Variants in XPR1 observed in about 807,000 individuals in gnomAD.
XPR1 encodes xenotropic and polytropic retrovirus receptor 1.
In XPR1, 28 loss-of-function variants were observed where a neutral mutation model predicts 87.5. That is an observed-to-expected ratio of 0.32 (90% confidence interval 0.24 to 0.44). The LOEUF (loss-of-function observed/expected upper bound fraction) is 0.44. XPR1 is among the 20% of genes least tolerant of loss of function. The pLI is 1.00. For missense variants in XPR1, 559 were observed against 862.3 expected (o/e 0.65, Z 4.41); for synonymous variants, 300 against 306.1 (o/e 0.98, Z 0.21).
intron 7 of XPR1, among the ~76,000 whole-genome samples, chr1:180,816,914 G>A (rs1376473134): frequency 5.3e-5 from 8 of 152,286 alleles, no homozygotes; most frequent in Non-Finnish European, 8.8e-5. Context: ...TTCGGGAGGT[G>A]TTCCAGAAGA....
intron 13 of XPR1, among the ~76,000 whole-genome samples, chr1:180,875,553 GA>G (rs1652635165): frequency 6.7e-6 from 1 of 149,826 alleles, no homozygotes; most frequent in South Asian, 2.2e-4. Context: ...GAATGTAATT[GA>G]AAATGTGATA....
intron 2 of XPR1, among the ~76,000 whole-genome samples, chr1:180,751,956 C>T (rs1557989471): frequency 1.3e-5 from 2 of 152,010 alleles, no homozygotes; most frequent in Admixed American, 6.6e-5. Flanking sequence ...GGGGAATAAA[C>T]GTGTCGCCCA....
At position 180,758,028 on chromosome 1, in the gene XPR1, A is replaced by C. The variant is rs890934704; in HGVS notation, c.122-29725A>C. Among the ~76,000 whole-genome samples, 3 of 151,940 alleles carry C rather than the reference A, an allele frequency of 2.0e-5. No homozygotes were observed. The South Asian group carries it at 6.2e-4, about 32-fold the overall frequency. ...AGTTTAAATGTGAAATGTCTTACAG[A>C]AGAGTATGGTGTTGGAATGACCACC... On this transcript the variant is annotated intron_variant, in intron 2 of 14. Transcript: ENST00000367590.
At chr1:180,755,227 T>G (rs1647687824) in intron 2 of XPR1, among the ~76,000 whole-genome samples, 1 of 152,212 alleles carries the variant, frequency 6.6e-6, no homozygotes, top group Admixed American at 6.5e-5. Context: ...CCAATAACAG[T>G]GAGCACACTC....
chr1:180,860,802 TAAA>T (rs201858737), intron 11 of XPR1, among the ~76,000 whole-genome samples: 3 of 128,706 alleles, frequency 2.3e-5, no homozygotes, highest in Admixed American at 7.9e-5. Flanking sequence ...AGGATGTGAC[TAAA>T]AAAAAAAAAA....
chr1:180,842,300 C>T (rs868591441), intron 11 of XPR1, among the ~76,000 whole-genome samples: 9 of 152,170 alleles, frequency 5.9e-5, no homozygotes, highest in Admixed American at 3.3e-4. Context: ...CAGAGTGTCT[C>T]ATGTTTTGCT....
intron 2 of XPR1, among the ~76,000 whole-genome samples, chr1:180,738,289 G>T (rs1215152497): frequency 6.6e-6 from 1 of 152,164 alleles, no homozygotes; most frequent in Non-Finnish European, 1.5e-5. Context: ...AGGATTACAG[G>T]TGTGAGCCGC....
intron 2 of XPR1, among the ~76,000 whole-genome samples, chr1:180,688,295 G>A (rs1656859507): frequency 6.6e-6 from 1 of 151,076 alleles, no homozygotes; most frequent in African/African-American, 2.4e-5. Context: ...TGCCATGTTG[G>A]CCAGGCTGGT....
At chr1:180,662,837 T>C (rs1416068922) in intron 1 of XPR1, among the ~76,000 whole-genome samples, 1 of 152,210 alleles carries the variant, frequency 6.6e-6, no homozygotes, top group Non-Finnish European at 1.5e-5. Flanking sequence ...CTTTCATCTC[T>C]TCTGACTGTG....
intron 3 of XPR1, among the ~76,000 whole-genome samples, chr1:180,795,431 C>T (rs1016735492): frequency 6.6e-6 from 1 of 151,922 alleles, no homozygotes; most frequent in East Asian, 1.9e-4. Context: ...AATATTTGTT[C>T]TCATATTCAG....
chr1:180,862,409 A>G (rs1315380545), intron 11 of XPR1, among the ~76,000 whole-genome samples: 1 of 151,880 alleles, frequency 6.6e-6, no homozygotes, highest in Non-Finnish European at 1.5e-5. Flanking sequence ...CCACCTTCTC[A>G]TTATCTGCCT....
At chr1:180,806,409 G>T (rs1017379839) in intron 5 of XPR1, 65 bp from the exon 6 acceptor site, 6 of 1,557,392 alleles carry the variant, frequency 3.9e-6, no homozygotes, top group Non-Finnish European at 5.3e-6. Context: ...AAATGGTACA[G>T]AATTATTTGT....
At chr1:180,732,205 AAAAAAG>A (rs1474302713) in intron 2 of XPR1, among the ~76,000 whole-genome samples, 38 of 152,050 alleles carry the variant, frequency 2.5e-4, no homozygotes, top group African/African-American at 8.2e-4. Context: ...AAAAAAAAAA[AAAAAAG>A]AAGTAAAATA....
chr1:180,831,496 A>G (rs1651064167), intron 9 of XPR1, among the ~76,000 whole-genome samples: 1 of 151,094 alleles, frequency 6.6e-6, no homozygotes, highest in Non-Finnish European at 1.5e-5. Context: ...TGCAGCACCC[A>G]TCAACCCATC....
At chr1:180,744,876 C>A (rs907138594) in intron 2 of XPR1, among the ~76,000 whole-genome samples, 12 of 151,968 alleles carry the variant, frequency 7.9e-5, no homozygotes, top group Non-Finnish European at 2.9e-5. Flanking sequence ...TGGTCTCGAT[C>A]TCCTGACCTC....
intron 7 of XPR1, among the ~76,000 whole-genome samples, chr1:180,820,884 C>G (rs1010703681): frequency 1.3e-5 from 2 of 152,070 alleles, no homozygotes; most frequent in African/African-American, 4.8e-5. Flanking sequence ...AAATGTCTAT[C>G]CAGGTTCTTA....
intron 2 of XPR1, among the ~76,000 whole-genome samples, chr1:180,763,628 GC>G (rs1286122979): frequency 6.6e-6 from 1 of 152,174 alleles, no homozygotes; most frequent in Non-Finnish European, 1.5e-5. Context: ...TAGAAAAAGT[GC>G]CCATATGTGA....
At chr1:180,651,715 A>C (rs1655297229) in intron 1 of XPR1, among the ~76,000 whole-genome samples, 1 of 152,144 alleles carries the variant, frequency 6.6e-6, no homozygotes, top group Admixed American at 6.5e-5. Context: ...ATAATATTTA[A>C]ATTGTAGCCA....
chr1:180,759,243 A>G (rs1370764642), intron 2 of XPR1, among the ~76,000 whole-genome samples: 1 of 152,244 alleles, frequency 6.6e-6, no homozygotes, highest in Non-Finnish European at 1.5e-5. Context: ...AAAAGCTAGC[A>G]GAAGGCAAGA....
Sources: gnomAD v4.1 joint callset for allele counts (sites outside exome capture counted in the v4.1 genomes callset) on GRCh38, gnomAD v4.1.1 for gene constraint, MANE v1.5 for transcripts, NCBI Gene and HGNC (gene_info 2026-07-23, HGNC 2026-07-21) for gene names.